Variants in FILIP1L observed in about 807,000 individuals in gnomAD.
The protein encoded by FILIP1L is filamin A-interacting protein 1-like.
FILIP1L carries 55 observed loss-of-function variants against 96.6 expected under a neutral mutation model. The ratio of observed to expected loss-of-function variants is 0.57; its 90% confidence interval spans 0.46 to 0.71. The LOEUF is 0.71. Ranked by LOEUF, FILIP1L falls within the 30% of genes least tolerant of loss-of-function variation. The pLI is 0.00. For missense variants in FILIP1L, 1,304 were observed against 1,321.2 expected, an observed-to-expected ratio of 0.99 and a Z score of 0.20; for synonymous variants, 467 against 473.9, an observed-to-expected ratio of 0.99 and a Z score of 0.19.
intron 1 of FILIP1L, among the ~76,000 whole-genome samples, chr3:99,967,893 G>A (rs1708699953): frequency 2.0e-5 from 3 of 152,308 alleles, no homozygotes; most frequent in Non-Finnish European, 2.9e-5. Context: ...TTAGCAAGGA[G>A]AAGGAGTAGG....
intron 1 of FILIP1L, among the ~76,000 whole-genome samples, chr3:100,041,579 T>C (rs1339925142): frequency 6.6e-6 from 1 of 152,028 alleles, no homozygotes; most frequent in African/African-American, 2.4e-5. Flanking sequence ...TTAGCCAAAC[T>C]AAGGCTACAA....
At chr3:99,964,545 C>G (rs1708590234) in intron 1 of FILIP1L, 1 of 152,286 alleles carries the variant, frequency 6.6e-6, no homozygotes, top group South Asian at 2.1e-4. Context: ...AATCTCATTC[C>G]TCACTCTGTT....
chr3:99,965,100 A>G (rs1708610001), intron 1 of FILIP1L, among the ~76,000 whole-genome samples: 1 of 152,258 alleles, frequency 6.6e-6, no homozygotes, highest in Admixed American at 6.5e-5. Context: ...AATTACCTTG[A>G]AAGATTACAT....
At chr3:99,947,410 C>T (rs370053855) in intron 1 of FILIP1L, among the ~76,000 whole-genome samples, 330 of 152,214 alleles carry the variant, frequency 2.2e-3, no homozygotes, top group Non-Finnish European at 3.0e-3. Context: ...ATTTATGTAA[C>T]CATTCTCCTA....
At chr3:100,004,913 A>G (rs1259010928) in intron 1 of FILIP1L, among the ~76,000 whole-genome samples, 1 of 152,186 alleles carries the variant, frequency 6.6e-6, no homozygotes, top group Non-Finnish European at 1.5e-5. Context: ...AGATTCTCAT[A>G]GCCTCATACC....
At chr3:99,971,269 C>T (rs567454318) in intron 1 of FILIP1L, among the ~76,000 whole-genome samples, 90 of 149,406 alleles carry the variant, frequency 6.0e-4, no homozygotes, top group Admixed American at 1.9e-3. Context: ...GAACCCGGGG[C>T]GCGGAGCTTG....
At chr3:100,074,768 A>G (rs1348308084) in intron 1 of FILIP1L, among the ~76,000 whole-genome samples, 2 of 129,960 alleles carry the variant, frequency 1.5e-5, no homozygotes, top group Non-Finnish European at 3.1e-5. Context: ...ATCTTGGCTC[A>G]CTGCAACCTC....
chr3:99,966,795 G>T (rs189125921), intron 1 of FILIP1L, among the ~76,000 whole-genome samples: 1 of 152,304 alleles, frequency 6.6e-6, no homozygotes, highest in Non-Finnish European at 1.5e-5. Flanking sequence ...TATACAAGAC[G>T]TAACTGAAGA....
intron 5 of FILIP1L, among the ~76,000 whole-genome samples, chr3:99,831,831 G>A (rs895379004): frequency 6.6e-6 from 1 of 152,198 alleles, no homozygotes; most frequent in Non-Finnish European, 1.5e-5. Context: ...CAACTCAGGT[G>A]GTTGGCCTAC....
rs149102214 is a variant in FILIP1L, at chr3:99,976,382, A to C, written c.-10-45352T>G. Reference sequence around the variant, plus strand: ...ATGTCTATTTTTATTGGATGTTGTAAGTAAGTTATTAAACTGTGTCCAAAA... The same window carrying C: ...ATGTCTATTTTTATTGGATGTTGTACGTAAGTTATTAAACTGTGTCCAAAA... On this transcript the variant is annotated intron_variant, in intron 1 of 5. Transcript: ENST00000477258. 6.8e-3 allele frequency among the ~76,000 whole-genome samples: 1,034 copies of C among 152,332 alleles called. 3 individuals are homozygous for C. Among genetic ancestry groups the C allele is most frequent in the African/African-American group, 8.5e-3 (354 of 41,568 alleles).
At chr3:99,954,079 A>G (rs551563474) in intron 1 of FILIP1L, among the ~76,000 whole-genome samples, 1 of 152,390 alleles carries the variant, frequency 6.6e-6, no homozygotes, top group South Asian at 2.1e-4. Flanking sequence ...CTCAGTTTGT[A>G]GCAGCCTTAG....
At chr3:99,965,116 C>T (rs1708610495) in intron 1 of FILIP1L, among the ~76,000 whole-genome samples, 1 of 152,070 alleles carries the variant, frequency 6.6e-6, no homozygotes, top group South Asian at 2.1e-4. Context: ...TACATTGGTC[C>T]AGGAAAATGT....
intron 4 of FILIP1L, among the ~76,000 whole-genome samples, chr3:99,877,798 T>C (rs1217392749): frequency 6.6e-6 from 1 of 152,218 alleles, no homozygotes; most frequent in Non-Finnish European, 1.5e-5. Flanking sequence ...ATGACTTTTA[T>C]GAAAGTTGTA....
At chr3:100,088,187 T>G (rs2066045423) in intron 1 of FILIP1L, among the ~76,000 whole-genome samples, 1 of 152,204 alleles carries the variant, frequency 6.6e-6, no homozygotes. Flanking sequence ...ATTTGGGAGC[T>G]TGCTGGGATG....
chr3:99,920,078 A>AT (rs1707076968), intron 4 of FILIP1L, among the ~76,000 whole-genome samples: 1 of 152,234 alleles, frequency 6.6e-6, no homozygotes, highest in Admixed American at 6.5e-5. Context: ...ATGAAAAGTA[A>AT]TTTAAGGCTT....
rs1423435252 is a variant in FILIP1L at position 99,983,444 on chromosome 3, A to ATG, written c.-10-52416_-10-52415dup. 7.3e-4 allele frequency among the ~76,000 whole-genome samples: 22 copies of ATG among 30,020 alleles called. 1 individual carries two copies. Among genetic ancestry groups the ATG allele is most frequent in the African/African-American group, 2.5e-3 (19 of 7,576 alleles). The allele number at this position is 30,020 out of a possible 152,430, so 19.7% of individuals were successfully genotyped here. A position where few individuals can be genotyped will look rare whatever the true frequency, so the allele number is the denominator to read the frequency against. On this transcript the variant is annotated intron_variant, in intron 1 of 5. Transcript: ENST00000477258. ...TGTATGTATGTATGTATATATATGTATGTATATATATATATGTGTGTATAT... is the reference window on the plus strand; with the variant it reads ...TGTATGTATGTATGTATATATATGTATGTGTATATATATATATGTGTGTATAT...
At chr3:100,055,626 C>T (rs1473892330) in intron 1 of FILIP1L, among the ~76,000 whole-genome samples, 1 of 151,860 alleles carries the variant, frequency 6.6e-6, no homozygotes, top group African/African-American at 2.4e-5. Context: ...GATTAAAAAC[C>T]ACAGCCAGCA....
intron 1 of FILIP1L, among the ~76,000 whole-genome samples, chr3:99,993,270 A>G (rs778792310): frequency 1.1e-4 from 16 of 152,142 alleles, no homozygotes; most frequent in Admixed American, 3.9e-4. Context: ...TGATTCTTCA[A>G]TCTATGAGCA....
intron 1 of FILIP1L, among the ~76,000 whole-genome samples, chr3:99,968,602 G>C (rs1274797444): frequency 6.6e-6 from 1 of 151,998 alleles, no homozygotes; most frequent in Non-Finnish European, 1.5e-5. Context: ...TGCACAAGGA[G>C]AATATATAGA....
Sources: gnomAD v4.1 joint callset for allele counts (sites outside exome capture counted in the v4.1 genomes callset) on GRCh38, gnomAD v4.1.1 for gene constraint, MANE v1.5 for transcripts, NCBI Gene and HGNC (gene_info 2026-07-23, HGNC 2026-07-21) for gene names.